Variants in CCNE1 observed in about 807,000 individuals in gnomAD.
CCNE1 encodes the protein cyclin E1, also known as G1/S-specific cyclin-E1.
Under a neutral mutation model 54.1 loss-of-function variants are expected in CCNE1, and 8 were observed. The observed-to-expected ratio is 0.15, with a 90% CI of 0.09 to 0.27. CCNE1 has a LOEUF of 0.27. Ranked by LOEUF, CCNE1 falls within the 10% of genes least tolerant of loss-of-function variation. The pLI is 1.00. For missense variants in CCNE1, 430 were observed against 514.9 expected, an observed-to-expected ratio of 0.84 and a Z score of 1.60; for synonymous variants, 179 against 185.2, an observed-to-expected ratio of 0.97 and a Z score of 0.27.
intron 10 of CCNE1, 24 bp downstream of exon 10, chr19:29,822,375 C>T (rs3218067): frequency 4.3e-5 from 70 of 1,613,244 alleles, no homozygotes; most frequent in Middle Eastern, 1.6e-4. Context: ...CCAGTGCATG[C>T]ACAAACAAGG....
At chr19:29,822,673 G>A (rs993721014) in intron 11 of CCNE1, 70 bp downstream of exon 11, 3 of 1,493,240 alleles carry the variant, frequency 2.0e-6, no homozygotes, top group Non-Finnish European at 2.7e-6. Context: ...GCCAGCCGCG[G>A]TGGTTCAGGC....
At position 29,821,732 on chromosome 19, in the gene CCNE1, C is replaced by T. The variant is rs747029180; in HGVS notation, c.620C>T (p.Pro207Leu). ...FIAAKLEEIY[P>L]PKLHQFAYVT... ...TTTATTTCCTTTCAGGAAATCTATC[C>T]TCCAAAGTTGCACCAGTTTGCGTAT... The change falls in exon 8 of 12, where the codon CCT becomes CTT. Residue 207 changes from proline to leucine, a missense_variant. Transcript: ENST00000262643. 6.2e-7 allele frequency: 1 copy of T among 1,605,462 alleles called. No homozygotes were observed. Among genetic ancestry groups the T allele is most frequent in the Non-Finnish European group, 8.5e-7 (1 of 1,172,308 alleles).
intron 11 of CCNE1, among the ~76,000 whole-genome samples, chr19:29,823,434 C>T (rs1179105223): frequency 2.6e-5 from 4 of 151,952 alleles, no homozygotes; most frequent in Non-Finnish European, 4.4e-5. Flanking sequence ...ATCTCAGCTA[C>T]TCTACTTGGG....
chr19:29,812,827 T>TC lies in CCNE1; in HGVS notation c.111+51_111+52insC, dbSNP rs755515606. Reference sequence around the variant, plus strand: ...GAGCATCCCCCCCATCTCACCTGGGTACCCGACTTGGCTCTGCCTACGGGG... The same window carrying TC: ...GAGCATCCCCCCCATCTCACCTGGGTCACCCGACTTGGCTCTGCCTACGGGG... On this transcript the variant is annotated intron_variant, in intron 3 of 11. Coordinates refer to ENST00000262643, the MANE Select transcript of CCNE1 (RefSeq NM_001238.4). The TC allele has an allele frequency of 1.9e-6, 3 of 1,585,792 alleles. No individual in the cohort carries two copies. In the African/African-American group the frequency reaches 4.0e-5, roughly 21 times the overall value.
At chr19:29,815,664 C>T (rs571234099) in intron 4 of CCNE1, among the ~76,000 whole-genome samples, 2 of 146,588 alleles carry the variant, frequency 1.4e-5, no homozygotes, top group East Asian at 2.0e-4. Flanking sequence ...AGTCTTGCTC[C>T]GTCACCCAGG....
chr19:29,824,016 G>GCTCC lies in CCNE1; in HGVS notation c.*241_*244dup, dbSNP rs1974219580. 1 of 398,908 alleles carries GCTCC rather than the reference G, an allele frequency of 2.5e-6. No individual in the cohort carries two copies. Among genetic ancestry groups the GCTCC allele is most frequent in the African/African-American group, 2.0e-5 (1 of 49,168 alleles). The allele number at this position is 398,908 out of a possible 1,614,324, so 24.7% of individuals were successfully genotyped here. On this transcript the variant is annotated 3_prime_UTR_variant, in exon 12 of 12. Coordinates refer to ENST00000262643, the MANE Select transcript of CCNE1 (RefSeq NM_001238.4). ...CAGCCACCTCCAGACACCAGTGCGTGCTCCCGATGCTGCTATGGAAGGTGC... is the reference window on the plus strand; with the variant it reads ...CAGCCACCTCCAGACACCAGTGCGTGCTCCCTCCCGATGCTGCTATGGAAGGTGC...
chr19:29,818,261 C>T (rs1270795067), intron 6 of CCNE1, among the ~76,000 whole-genome samples: 1 of 152,070 alleles, frequency 6.6e-6, no homozygotes, highest in East Asian at 1.9e-4. Flanking sequence ...CTCCTGACCT[C>T]GTGGTTTGCC....
chr19:29,821,971 C>G, intron 8 of CCNE1, 25 bp from the exon 9 acceptor site: 1 of 1,596,922 alleles, frequency 6.3e-7, no homozygotes, highest in Non-Finnish European at 8.5e-7. Context: ...AATCATCGGT[C>G]TCTTTTCTCT....
Position 29,812,553 on chromosome 19 carries a change from A to G in CCNE1, c.-3A>G. 1 of 1,501,434 alleles carries G rather than the reference A, an allele frequency of 6.7e-7. No homozygotes were observed. Among genetic ancestry groups the G allele is most frequent in the South Asian group, 1.3e-5 (1 of 78,058 alleles). 93.0% of individuals were successfully genotyped at this position (1,501,434 alleles called of 1,614,324 possible). A position where few individuals can be genotyped will look rare whatever the true frequency, so the allele number is the denominator to read the frequency against. ...GCAGGCCTCAGGCCGGAGCAGCCCC[A>G]TCATGCCGAGGGAGCGCAGGGAGCG... On this transcript the variant is annotated 5_prime_UTR_variant, in exon 2 of 12. Transcript: ENST00000262643.
chr19:29,818,356 T>A (rs561102924), intron 6 of CCNE1, among the ~76,000 whole-genome samples: 1 of 152,216 alleles, frequency 6.6e-6, no homozygotes, highest in East Asian at 1.9e-4. Flanking sequence ...GAAACGGGGT[T>A]TCACCATGTT....
chr19:29,822,601 C>T lies in CCNE1; in HGVS notation c.1108C>T (p.Leu370=), dbSNP rs2145730580. 5 of 1,600,738 alleles carry T rather than the reference C, an allele frequency of 3.1e-6. No individual in the cohort carries two copies. The highest frequency in any genetic ancestry group is 3.4e-6 in the Non-Finnish European group (4 of 1,171,988). The change falls in exon 11 of 12, where the codon CTG becomes TTG. Residue 370 remains leucine, a splice_region_variant and synonymous_variant. Coordinates refer to ENST00000262643, the MANE Select transcript of CCNE1 (RefSeq NM_001238.4). ...IQTHRDSLDL[L]DKARAKKAML... ...GACCCACAGAGACAGCTTGGATTTG[C>T]TGGTCAGTGCTGCTCCTTCTTTCAG... is the stretch of plus-strand genomic sequence containing the variant.
Position 29,817,493 on chromosome 19 carries a change from T to A in CCNE1, c.414T>A (p.Pro138=), listed in dbSNP as rs754338237. The A allele has an allele frequency of 7.4e-6, 12 of 1,614,198 alleles. No homozygotes were observed. In the Admixed American group the frequency reaches 1.8e-4, roughly 25 times the overall value. The change falls in exon 6 of 12, where the codon CCT becomes CCA. Residue 138 remains proline, a synonymous_variant. Coordinates refer to ENST00000262643, the MANE Select transcript of CCNE1 (RefSeq NM_001238.4). ...ATCAGCACTTTCTTGAGCAACACCC[T>A]CTTCTGCAGCCAAAAATGCGAGCAA... ...LRDQHFLEQH[P]LLQPKMRAIL...
intron 8 of CCNE1, 53 bp from the exon 9 acceptor site, chr19:29,821,943 T>C (rs1974157703): frequency 6.3e-7 from 1 of 1,583,124 alleles, no homozygotes; most frequent in African/African-American, 1.4e-5. Flanking sequence ...CATGGCTGCA[T>C]TTTGAACTTC....
chr19:29,819,708 T>G (rs920261187), intron 6 of CCNE1, among the ~76,000 whole-genome samples: 1 of 152,268 alleles, frequency 6.6e-6, no homozygotes, highest in Admixed American at 6.5e-5. Context: ...TATATCTTAC[T>G]GGGATGAACT....
At chr19:29,817,101 C>T (rs377242899) in intron 4 of CCNE1, 36 bp from the exon 5 acceptor site, 67 of 1,602,554 alleles carry the variant, frequency 4.2e-5, no homozygotes, top group African/African-American at 1.1e-4. Flanking sequence ...CTGTTTGCAT[C>T]TTATCTCACC....
intron 4 of CCNE1, among the ~76,000 whole-genome samples, chr19:29,815,874 G>A (rs1221435391): frequency 6.7e-6 from 1 of 150,234 alleles, no homozygotes; most frequent in Non-Finnish European, 1.5e-5. Context: ...AAAAAAAAAT[G>A]CCAGGTGCGG....
intron 6 of CCNE1, among the ~76,000 whole-genome samples, chr19:29,817,856 G>GC (rs991820483): frequency 1.4e-4 from 16 of 112,158 alleles, no homozygotes; most frequent in African/African-American, 5.3e-4. Context: ...TCATTAAATT[G>GC]CTTTTTTTTT....
chr19:29,821,309 C>T (rs3218062), intron 7 of CCNE1, among the ~76,000 whole-genome samples: 2,241 of 152,248 alleles, frequency 0.015, 61 homozygotes, highest in African/African-American at 0.051. Context: ...ATTGCTGGAG[C>T]CCAGGTGGCC....
chr19:29,822,094 G>A lies in CCNE1; in HGVS notation c.804G>A (p.Pro268=), dbSNP rs1193143953. Residue 268 remains proline, a synonymous_variant, in exon 9 of 12, where the codon CCG becomes CCA. Coordinates refer to ENST00000262643, the MANE Select transcript of CCNE1 (RefSeq NM_001238.4). The stretch of plus-strand genomic sequence containing the variant: ...ATGACTTACATGAAGTGCTACTGCC[G>A]CAGTATCCCCAGCAAATCTTTATAC... ...YLNDLHEVLL[P]QYPQQIFIQI... The A allele has an allele frequency of 5.6e-6, 9 of 1,613,828 alleles. No homozygotes were observed. The African/African-American group carries it at 6.7e-5, about 12-fold the overall frequency.
Sources: allele counts gnomAD v4.1 joint callset (sites outside exome capture counted in the v4.1 genomes callset), GRCh38; gene constraint gnomAD v4.1.1; transcripts MANE v1.5; gene names NCBI Gene and HGNC (gene_info 2026-07-23, HGNC 2026-07-21).